Variants in NCK2 observed in about 807,000 individuals in gnomAD.
The protein encoded by NCK2 is cytoplasmic protein NCK2.
Under a neutral mutation model 33.9 loss-of-function variants are expected in NCK2, and 16 were observed. The ratio of observed to expected loss-of-function variants is 0.47; its 90% confidence interval spans 0.32 to 0.72. The LOEUF is 0.72. Among genes scored for constraint, NCK2 ranks in the 30% least tolerant of loss-of-function variants. NCK2 has a pLI of 0.03. For synonymous variants in NCK2, 273 were observed against 239.9 expected (o/e 1.14, Z -1.27); for missense variants, 418 against 537.3 (o/e 0.78, Z 2.19).
At chr2:105,794,105 G>T (rs2104431758) in intron 1 of NCK2, among the ~76,000 whole-genome samples, 1 of 142,316 alleles carries the variant, frequency 7.0e-6, no homozygotes, top group South Asian at 2.2e-4. Context: ...CTGGAGTGCA[G>T]TGGCGCCATT....
At chr2:105,781,975 G>A (rs1204407753) in intron 1 of NCK2, among the ~76,000 whole-genome samples, 1 of 152,168 alleles carries the variant, frequency 6.6e-6, no homozygotes, top group Non-Finnish European at 1.5e-5. Context: ...ATGAAGTTGA[G>A]AATGTCCAAG....
chr2:105,772,333 A>G (rs1282453217), intron 1 of NCK2, among the ~76,000 whole-genome samples: 6 of 152,118 alleles, frequency 3.9e-5, no homozygotes, highest in South Asian at 2.1e-4. Context: ...AACAGCACTA[A>G]GCATCCTTCC....
At chr2:105,835,388 C>CGTATATATATAT in intron 2 of NCK2, among the ~76,000 whole-genome samples, 28 of 52,078 alleles carry the variant, frequency 5.4e-4, no homozygotes, top group South Asian at 2.2e-3. Context: ...TATATATACA[C>CGTATATATATAT]ATATATATAT....
chr2:105,748,216 C>T (rs760642849), intron 1 of NCK2, among the ~76,000 whole-genome samples: 2 of 152,178 alleles, frequency 1.3e-5, no homozygotes, highest in African/African-American at 2.4e-5. Flanking sequence ...CTCCTTGGCT[C>T]AGTCTCCTCC....
chr2:105,884,598 G>T (rs1220397675), intron 4 of NCK2, among the ~76,000 whole-genome samples: 1 of 152,162 alleles, frequency 6.6e-6, no homozygotes, highest in East Asian at 1.9e-4. Flanking sequence ...CTAGACCCTT[G>T]CTTGACGATA....
intron 2 of NCK2, among the ~76,000 whole-genome samples, chr2:105,836,361 G>A (rs1261097994): frequency 2.6e-5 from 4 of 152,036 alleles, no homozygotes; most frequent in Non-Finnish European, 2.9e-5. Context: ...TGTAGTCTTC[G>A]TATGATTTCT....
At chr2:105,795,957 A>G (rs755984710) in intron 1 of NCK2, among the ~76,000 whole-genome samples, 50 of 152,370 alleles carry the variant, frequency 3.3e-4, no homozygotes, top group Non-Finnish European at 5.7e-4. Flanking sequence ...CATCAACGAT[A>G]TATTCTTTAT....
chr2:105,893,809 A>AC lies in NCK2; in HGVS notation c.*637dup, dbSNP rs1464576592. 6.6e-6 allele frequency: 1 copy of AC among 152,576 alleles called. No individual in the cohort carries two copies. The allele number at this position is 152,576 out of a possible 1,614,324, so 9.5% of individuals were successfully genotyped here. A position where few individuals can be genotyped will look rare whatever the true frequency, so the allele number is the denominator to read the frequency against. On this transcript the variant is annotated 3_prime_UTR_variant, in exon 5 of 5. Coordinates refer to ENST00000233154, the MANE Select transcript of NCK2 (RefSeq NM_003581.5). Reference sequence around the variant, plus strand: ...AGAAAGACAGATGTTTTGGTAATTTACCCCAAATGTGCCATCCACATAGTG... The same window carrying AC: ...AGAAAGACAGATGTTTTGGTAATTTACCCCCAAATGTGCCATCCACATAGTG...
chr2:105,780,339 C>T (rs957268355), intron 1 of NCK2, among the ~76,000 whole-genome samples: 29 of 143,298 alleles, frequency 2.0e-4, no homozygotes, highest in South Asian at 1.1e-3. Context: ...CACACACACA[C>T]ACACACACAC....
intron 1 of NCK2, among the ~76,000 whole-genome samples, chr2:105,816,228 C>T (rs1380494328): frequency 6.6e-6 from 1 of 152,204 alleles, no homozygotes. Flanking sequence ...ATCACTTGAG[C>T]TCAGGAGGTG....
At chr2:105,763,822 G>T (rs886131776) in intron 1 of NCK2, among the ~76,000 whole-genome samples, 1 of 152,214 alleles carries the variant, frequency 6.6e-6, no homozygotes. Flanking sequence ...AAATAATTTG[G>T]AAGAAGAATT....
intron 1 of NCK2, among the ~76,000 whole-genome samples, chr2:105,815,597 C>G (rs1313560704): frequency 6.6e-6 from 1 of 152,232 alleles, no homozygotes; most frequent in Non-Finnish European, 1.5e-5. Context: ...CAGCTGCCAG[C>G]TCTCCACAAC....
At chr2:105,863,337 G>C (rs183828200) in intron 3 of NCK2, among the ~76,000 whole-genome samples, 3 of 152,138 alleles carry the variant, frequency 2.0e-5, no homozygotes, top group Non-Finnish European at 4.4e-5. Flanking sequence ...CCTGGTTCTC[G>C]TGGAAGCCGA....
At position 105,893,043 on chromosome 2, in the gene NCK2, T is replaced by G; in HGVS notation, c.1010T>G (p.Leu337Arg). 1 of 1,614,138 alleles carries G rather than the reference T, an allele frequency of 6.2e-7. No individual in the cohort carries two copies. The highest frequency in any genetic ancestry group is 1.1e-5 in the South Asian group (1 of 91,086). Residue 337 changes from leucine to arginine, a missense_variant, in exon 5 of 5, where the codon CTC becomes CGC. Physicochemically the swap from Leu to Arg is moderately radical, Grantham distance 102 (BLOSUM62 -2). Coordinates refer to ENST00000233154, the MANE Select transcript of NCK2 (RefSeq NM_003581.5). ...AAGAACAAACACTTCAAGGTGCAGC[T>G]CGTGGACAATGTCTACTGCATTGGG... ...SGKNKHFKVQ[L>R]VDNVYCIGQR... is the part of the protein sequence containing the mutation.
At chr2:105,863,344 C>T (rs1212215641) in intron 3 of NCK2, among the ~76,000 whole-genome samples, 1 of 152,106 alleles carries the variant, frequency 6.6e-6, no homozygotes, top group Non-Finnish European at 1.5e-5. Context: ...CTCGTGGAAG[C>T]CGAGTCTAAG....
intron 2 of NCK2, among the ~76,000 whole-genome samples, chr2:105,839,790 A>G (rs1439246343): frequency 6.6e-6 from 1 of 152,164 alleles, no homozygotes; most frequent in Non-Finnish European, 1.5e-5. Flanking sequence ...AAGAGGGCGG[A>G]TGGAGGGGAG....
intron 1 of NCK2, among the ~76,000 whole-genome samples, chr2:105,759,924 A>G (rs1689714458): frequency 6.6e-6 from 1 of 152,090 alleles, no homozygotes; most frequent in Non-Finnish European, 1.5e-5. Context: ...GTAATGTGCC[A>G]TTTTGTATCA....
At chr2:105,887,859 G>A (rs1439331129) in intron 4 of NCK2, among the ~76,000 whole-genome samples, 4 of 152,184 alleles carry the variant, frequency 2.6e-5, no homozygotes, top group Non-Finnish European at 5.9e-5. Context: ...ATAGAGATGG[G>A]ATCAAAGAGT....
intron 4 of NCK2, among the ~76,000 whole-genome samples, chr2:105,888,911 T>A (rs1678834911): frequency 6.6e-6 from 1 of 152,188 alleles, no homozygotes; most frequent in African/African-American, 2.4e-5. Flanking sequence ...GACTGCATGT[T>A]TCAAAAATGT....
Sources: allele counts gnomAD v4.1 joint callset (sites outside exome capture counted in the v4.1 genomes callset), GRCh38; gene constraint gnomAD v4.1.1; transcripts MANE v1.5; gene names NCBI Gene and HGNC (gene_info 2026-07-23, HGNC 2026-07-21).